Variants in PLPP4 observed in about 807,000 individuals in gnomAD.
The protein encoded by PLPP4 is phospholipid phosphatase 4, also known as diacylglycerol pyrophosphate like 2.
A neutral mutation model predicts 32.2 loss-of-function variants in PLPP4; 20 were observed. The observed-to-expected ratio is 0.62, with a 90% CI of 0.44 to 0.90. PLPP4 has a LOEUF of 0.90. Among genes scored for constraint, PLPP4 ranks in the 40% least tolerant of loss-of-function variants. The pLI is 0.00. For missense variants in PLPP4, 257 were observed against 353.1 expected (o/e 0.73, Z 2.18); for synonymous variants, 127 against 133.0 (o/e 0.95, Z 0.31).
At chr10:120,521,966 A>G (rs1846174018) in intron 5 of PLPP4, among the ~76,000 whole-genome samples, 2 of 152,218 alleles carry the variant, frequency 1.3e-5, no homozygotes, top group Admixed American at 1.3e-4. Context: ...TTGTGCCATC[A>G]TCCATTCATC....
chr10:120,513,865 T>G, intron 2 of PLPP4, 46 bp from the exon 3 acceptor site: 1 of 1,440,820 alleles, frequency 6.9e-7, no homozygotes, highest in African/African-American at 1.4e-5. Flanking sequence ...GCCCTTCTGA[T>G]AGCAAACTGA....
At position 120,506,559 on chromosome 10, in the gene PLPP4, A is replaced by C. The variant is rs189030517; in HGVS notation, c.165+2633A>C. 4.1e-3 allele frequency among the ~76,000 whole-genome samples: 629 copies of C among 152,330 alleles called. 4 individuals carry two copies. The highest frequency in any genetic ancestry group is 0.014 in the African/African-American group (595 of 41,568). On this transcript the variant is annotated intron_variant, in intron 2 of 6. Transcript: ENST00000398250. ...CCTTTAATTTTGGTTGGAATGTTTT[A>C]ATCTAAAGATGAACTTTCTTTCTTA...
At chr10:120,484,809 T>A (rs1458944533) in intron 1 of PLPP4, among the ~76,000 whole-genome samples, 1 of 152,126 alleles carries the variant, frequency 6.6e-6, no homozygotes, top group Non-Finnish European at 1.5e-5. Flanking sequence ...CCAAGGGAAT[T>A]AAGGTTACAA....
chr10:120,481,621 A>T (rs533873910), intron 1 of PLPP4, among the ~76,000 whole-genome samples: 1 of 152,192 alleles, frequency 6.6e-6, no homozygotes, highest in Non-Finnish European at 1.5e-5. Flanking sequence ...CCTCCCTGAA[A>T]GGTGTCTGGT....
chr10:120,521,678 CCA>C (rs1481490192), intron 5 of PLPP4, among the ~76,000 whole-genome samples: 2 of 152,138 alleles, frequency 1.3e-5, no homozygotes, highest in African/African-American at 4.8e-5. Flanking sequence ...CCTGGCTCTG[CCA>C]GGTATTAGCT....
At chr10:120,522,758 T>G (rs562970396) in intron 5 of PLPP4, among the ~76,000 whole-genome samples, 37 of 152,174 alleles carry the variant, frequency 2.4e-4, no homozygotes, top group South Asian at 6.2e-4. Flanking sequence ...AGAGAGTAGA[T>G]TTCAGGTGCT....
At chr10:120,511,252 T>C (rs1470208629) in intron 2 of PLPP4, among the ~76,000 whole-genome samples, 1 of 152,186 alleles carries the variant, frequency 6.6e-6, no homozygotes, top group Admixed American at 6.5e-5. Context: ...CTTGGAGTCA[T>C]TGGGCAGCTC....
At chr10:120,510,898 T>C (rs1372683592) in intron 2 of PLPP4, among the ~76,000 whole-genome samples, 3 of 152,102 alleles carry the variant, frequency 2.0e-5, no homozygotes, top group Non-Finnish European at 4.4e-5. Flanking sequence ...CCCATTGCTT[T>C]TAGGATGAGA....
At chr10:120,461,582 C>G (rs1305113281) in intron 1 of PLPP4, among the ~76,000 whole-genome samples, 2 of 152,214 alleles carry the variant, frequency 1.3e-5, no homozygotes, top group Admixed American at 1.3e-4. Flanking sequence ...TTTACCTCCC[C>G]TTAGATAATC....
intron 5 of PLPP4, among the ~76,000 whole-genome samples, chr10:120,543,266 A>G (rs889439788): frequency 6.6e-6 from 1 of 152,156 alleles, no homozygotes; most frequent in Non-Finnish European, 1.5e-5. Flanking sequence ...TCAAGCTGGC[A>G]TTGTCTAGCG....
chr10:120,490,932 C>A (rs905490687), intron 1 of PLPP4, among the ~76,000 whole-genome samples: 17 of 152,342 alleles, frequency 1.1e-4, no homozygotes, highest in African/African-American at 3.4e-4. Context: ...AAACTAAGTT[C>A]TGTTTTTCAC....
chr10:120,547,251 A>T (rs902521681), intron 5 of PLPP4, among the ~76,000 whole-genome samples: 23 of 151,980 alleles, frequency 1.5e-4, no homozygotes, highest in Non-Finnish European at 3.2e-4. Flanking sequence ...AATGCCTTTC[A>T]AAGAAAGGCA....
rs377383684 is a variant in PLPP4 at position 120,510,215 on chromosome 10, T to C, written c.166-3696T>C. On this transcript the variant is annotated intron_variant, in intron 2 of 6. Transcript: ENST00000398250. ...TGTACATTCAGCAGCCCCATACTCA[T>C]AACAAGTGAGCAGAACTCAAGTCCA... Among the ~76,000 whole-genome samples the C allele has an allele frequency of 4.6e-5, 7 of 152,290 alleles. No individual in the cohort carries two copies. The South Asian group carries it at 1.5e-3, about 32-fold the overall frequency.
intron 5 of PLPP4, among the ~76,000 whole-genome samples, chr10:120,530,945 T>C (rs940487891): frequency 7.9e-5 from 12 of 152,216 alleles, no homozygotes; most frequent in Admixed American, 2.6e-4. Flanking sequence ...GCTGTTCACT[T>C]ATCTTACTAC....
chr10:120,535,218 G>A (rs1846961217), intron 5 of PLPP4, among the ~76,000 whole-genome samples: 1 of 152,088 alleles, frequency 6.6e-6, no homozygotes, highest in Non-Finnish European at 1.5e-5. Context: ...ACATTCCTTT[G>A]TGATTTCCTT....
intron 6 of PLPP4, among the ~76,000 whole-genome samples, chr10:120,585,811 A>G (rs1285781530): frequency 6.6e-6 from 1 of 152,082 alleles, no homozygotes. Flanking sequence ...TTGGGAATGG[A>G]TCTGCTGCCT....
At chr10:120,518,261 G>A (rs545560350) in intron 3 of PLPP4, among the ~76,000 whole-genome samples, 3 of 152,218 alleles carry the variant, frequency 2.0e-5, no homozygotes, top group African/African-American at 4.8e-5. Context: ...AGCACCGCCC[G>A]GGCAGACCTT....
intron 1 of PLPP4, among the ~76,000 whole-genome samples, chr10:120,484,511 G>T (rs1278433541): frequency 2.0e-5 from 3 of 152,144 alleles, no homozygotes; most frequent in African/African-American, 7.2e-5. Context: ...CAAAAGGGGG[G>T]TGAATTTGTG....
intron 5 of PLPP4, among the ~76,000 whole-genome samples, chr10:120,553,123 A>G (rs1199674388): frequency 6.6e-6 from 1 of 152,226 alleles, no homozygotes; most frequent in South Asian, 2.1e-4. Flanking sequence ...ATGCTTTCAA[A>G]CACCTATTTC....
Sources: gnomAD v4.1 joint callset for allele counts (sites outside exome capture counted in the v4.1 genomes callset) on GRCh38, gnomAD v4.1.1 for gene constraint, MANE v1.5 for transcripts, NCBI Gene and HGNC (gene_info 2026-07-23, HGNC 2026-07-21) for gene names.